Variants in CIB4 observed in about 807,000 individuals in gnomAD.
The protein encoded by CIB4 is calcium and integrin binding family member 4, also known as calcium and integrin-binding family member 4.
In CIB4, 25 loss-of-function variants were observed where a neutral mutation model predicts 25.8. The ratio of observed to expected loss-of-function variants is 0.97; its 90% confidence interval spans 0.71 to 1.35. The LOEUF is 1.35. Among genes scored for constraint, CIB4 ranks in the 40% most tolerant of loss-of-function variants. The pLI is 0.00. For missense variants in CIB4, 235 were observed against 228.2 expected, an observed-to-expected ratio of 1.03 and a Z score of -0.19; for synonymous variants, 75 against 81.4, an observed-to-expected ratio of 0.92 and a Z score of 0.42.
intron 5 of CIB4, 132 bp downstream of exon 5, chr2:26,583,657 C>T (rs1668393844): frequency 3.0e-6 from 2 of 676,626 alleles, no homozygotes; most frequent in Non-Finnish European, 2.7e-6. Flanking sequence ...GCACCAAAGG[C>T]CAATGTGTCA....
rs190970142 is a variant in CIB4 at position 26,628,202 on chromosome 2, T to C, written c.186+1208A>G. ...GGAGTGATTTTGGAGTCCTTTATTG[T>C]GTGCCTCTAGGCTCTTCCAGGCTGC... On this transcript the variant is annotated intron_variant, in intron 3 of 6. Coordinates refer to ENST00000288861, the MANE Select transcript of CIB4 (RefSeq NM_001029881.3). Among the ~76,000 whole-genome samples, 31 of 152,356 alleles carry C rather than the reference T, an allele frequency of 2.0e-4. 1 individual carries two copies. The East Asian group carries it at 5.8e-3, about 28-fold the overall frequency.
intron 3 of CIB4, among the ~76,000 whole-genome samples, chr2:26,625,674 C>CA (rs1318830142): frequency 6.6e-6 from 1 of 152,204 alleles, no homozygotes; most frequent in Non-Finnish European, 1.5e-5. Flanking sequence ...CTCCACCCCC[C>CA]CACTGCTTCC....
At chr2:26,625,241 G>A (rs1195556421) in intron 3 of CIB4, among the ~76,000 whole-genome samples, 1 of 152,128 alleles carries the variant, frequency 6.6e-6, no homozygotes, top group Non-Finnish European at 1.5e-5. Context: ...TCTGTGCATA[G>A]CGCTGGCAGT....
chr2:26,584,121 A>G (rs566765433), intron 4 of CIB4, among the ~76,000 whole-genome samples: 2 of 152,308 alleles, frequency 1.3e-5, no homozygotes, highest in East Asian at 3.9e-4. Flanking sequence ...TGTGTACTAC[A>G]TGCTCAGACC....
intron 3 of CIB4, among the ~76,000 whole-genome samples, chr2:26,622,140 C>T (rs574845504): frequency 2.0e-5 from 3 of 151,958 alleles, no homozygotes; most frequent in Non-Finnish European, 4.4e-5. Context: ...GCGGGTGGAT[C>T]GCCTGAGGTC....
chr2:26,616,841 C>T (rs989702162), intron 3 of CIB4, among the ~76,000 whole-genome samples: 7 of 152,096 alleles, frequency 4.6e-5, no homozygotes, highest in African/African-American at 1.7e-4. Flanking sequence ...TTTATCTTCC[C>T]GAGAAGATGA....
intron 4 of CIB4, among the ~76,000 whole-genome samples, chr2:26,593,571 G>A (rs1490604306): frequency 1.3e-5 from 2 of 152,004 alleles, no homozygotes; most frequent in South Asian, 2.1e-4. Flanking sequence ...CAACATCTAG[G>A]TCATGTCAGT....
At chr2:26,612,677 G>A (rs1280057254) in intron 3 of CIB4, among the ~76,000 whole-genome samples, 1 of 152,106 alleles carries the variant, frequency 6.6e-6, no homozygotes, top group African/African-American at 2.4e-5. Context: ...CAGAGACAGA[G>A]AGCAGGAGCA....
Position 26,582,896 on chromosome 2 carries a change from A to G in CIB4, c.456T>C (p.Asp152=). The stretch of plus-strand genomic sequence containing the variant: ...AGGACAGCATGTTGTCATTGTCCAG[A>G]TCCGACTCACTCAGGACCTGGCGAG... ...DLTNHVLSES[D]LDNDNMLSFS... The change falls in exon 6 of 7, where the codon GAT becomes GAC. Residue 152 remains aspartate, a synonymous_variant. Transcript: ENST00000288861. 1.2e-6 allele frequency: 2 copies of G among 1,613,152 alleles called. No homozygotes were observed. Among genetic ancestry groups the G allele is most frequent in the Non-Finnish European group, 1.7e-6 (2 of 1,179,198 alleles).
chr2:26,587,280 G>A (rs1558553714), intron 4 of CIB4, among the ~76,000 whole-genome samples: 1 of 111,570 alleles, frequency 9.0e-6, no homozygotes, highest in Non-Finnish European at 1.7e-5. Context: ...ACTCCAGCCT[G>A]GGCGACAGAG....
chr2:26,589,009 T>A (rs899298379), intron 4 of CIB4, among the ~76,000 whole-genome samples: 1 of 23,260 alleles, frequency 4.3e-5, no homozygotes, highest in Non-Finnish European at 1.0e-4. Flanking sequence ...CTTCTTCTTC[T>A]TCTTCTTCTT....
intron 4 of CIB4, among the ~76,000 whole-genome samples, chr2:26,585,719 A>G (rs1668438598): frequency 6.6e-6 from 1 of 152,004 alleles, no homozygotes; most frequent in Non-Finnish European, 1.5e-5. Context: ...ACCTTTAAAT[A>G]TCACCTATAG....
intron 2 of CIB4, among the ~76,000 whole-genome samples, chr2:26,630,863 A>G (rs1029464372): frequency 1.3e-4 from 20 of 151,594 alleles, no homozygotes; most frequent in African/African-American, 3.4e-4. Flanking sequence ...TCTCTCCTAT[A>G]CTCCAGGTGC....
chr2:26,583,047 C>T, intron 5 of CIB4, 134 bp from the exon 6 acceptor site: 1 of 607,634 alleles, frequency 1.6e-6, no homozygotes, highest in Non-Finnish European at 3.0e-6. Flanking sequence ...GGTCCCCTGA[C>T]CCCAGTGACC....
At chr2:26,630,024 C>T (rs181977676) in intron 2 of CIB4, among the ~76,000 whole-genome samples, 1 of 152,332 alleles carries the variant, frequency 6.6e-6, no homozygotes, top group East Asian at 1.9e-4. Context: ...AACCACCAGC[C>T]TTGCTAGGCC....
At chr2:26,603,284 T>C (rs1213426755) in intron 3 of CIB4, among the ~76,000 whole-genome samples, 1 of 152,188 alleles carries the variant, frequency 6.6e-6, no homozygotes, top group Non-Finnish European at 1.5e-5. Context: ...GAGGGGATCC[T>C]GACACAGATC....
At chr2:26,628,904 G>A (rs1669359876) in intron 3 of CIB4, among the ~76,000 whole-genome samples, 1 of 152,150 alleles carries the variant, frequency 6.6e-6, no homozygotes, top group Non-Finnish European at 1.5e-5. Flanking sequence ...CCTGGCCTAG[G>A]GTCACTTGCC....
intron 3 of CIB4, among the ~76,000 whole-genome samples, chr2:26,601,231 A>AAATATATATAT (rs1395827334): frequency 1.2e-4 from 2 of 17,224 alleles, no homozygotes; most frequent in African/African-American, 3.0e-4. Flanking sequence ...AAAAAAAAAA[A>AAATATATATAT]ATATATATAT....
chr2:26,620,891 G>A (rs773374029), intron 3 of CIB4, among the ~76,000 whole-genome samples: 11 of 152,070 alleles, frequency 7.2e-5, no homozygotes, highest in African/African-American at 1.4e-4. Flanking sequence ...GAAACTAAAC[G>A]CATGATGGCA....
Sources: gnomAD v4.1 joint callset for allele counts (sites outside exome capture counted in the v4.1 genomes callset) on GRCh38, gnomAD v4.1.1 for gene constraint, MANE v1.5 for transcripts, NCBI Gene and HGNC (gene_info 2026-07-23, HGNC 2026-07-21) for gene names.